Variants in IQCM observed in about 807,000 individuals in gnomAD.
IQCM encodes IQ domain-containing protein M.
Under a neutral mutation model 57.6 loss-of-function variants are expected in IQCM, and 45 were observed. The observed-to-expected ratio is 0.78, with a 90% CI of 0.62 to 1.00. IQCM has a LOEUF of 1.00. Among genes scored for constraint, IQCM ranks in the 50% least tolerant of loss-of-function variants. IQCM has a pLI of 0.00. For missense variants in IQCM, 468 were observed against 511.6 expected, an observed-to-expected ratio of 0.91 and a Z score of 0.82; for synonymous variants, 148 against 158.9, an observed-to-expected ratio of 0.93 and a Z score of 0.51.
intron 12 of IQCM, among the ~76,000 whole-genome samples, chr4:149,502,849 C>G (rs892133980): frequency 6.6e-6 from 1 of 151,760 alleles, no homozygotes. Context: ...AGAGGAAGGC[C>G]AAATAAACTA....
intron 13 of IQCM, among the ~76,000 whole-genome samples, chr4:149,375,288 C>T (rs1415205804): frequency 6.6e-6 from 1 of 152,090 alleles, no homozygotes; most frequent in Non-Finnish European, 1.5e-5. Flanking sequence ...GCTATTTGTG[C>T]TACTACATAG....
intron 12 of IQCM, among the ~76,000 whole-genome samples, chr4:149,441,378 G>A (rs966487897): frequency 3.3e-5 from 5 of 152,048 alleles, no homozygotes; most frequent in Admixed American, 6.6e-5. Flanking sequence ...ACAGGAATAA[G>A]CAATTCCTAT....
At chr4:149,429,951 T>C in intron 13 of IQCM, 1 of 1,187,266 alleles carries the variant, frequency 8.4e-7, no homozygotes. Flanking sequence ...AATTTGTTTA[T>C]TTTAACAAAG....
At chr4:149,380,462 G>T (rs772506265) in intron 13 of IQCM, among the ~76,000 whole-genome samples, 3 of 152,126 alleles carry the variant, frequency 2.0e-5, no homozygotes, top group Middle Eastern at 6.8e-3. Context: ...GGAAAATTTT[G>T]CTCATAATTA....
intron 2 of IQCM, among the ~76,000 whole-genome samples, chr4:149,782,325 TAAAA>T (rs1242976929): frequency 6.6e-6 from 1 of 151,974 alleles, no homozygotes; most frequent in South Asian, 2.1e-4. Context: ...ATAAGGCAAA[TAAAA>T]AAGATTTTTC....
intron 5 of IQCM, among the ~76,000 whole-genome samples, chr4:149,696,194 A>G (rs1162447683): frequency 6.6e-6 from 1 of 152,122 alleles, no homozygotes; most frequent in Non-Finnish European, 1.5e-5. Flanking sequence ...TGCTCTCATC[A>G]AAGATACAAT....
intron 11 of IQCM, among the ~76,000 whole-genome samples, chr4:149,551,577 T>C (rs911410314): frequency 1.3e-5 from 2 of 152,144 alleles, no homozygotes; most frequent in Non-Finnish European, 2.9e-5. Flanking sequence ...ATATGTGATT[T>C]GGAAGTCAGC....
At chr4:149,508,065 C>A (rs1017032146) in intron 12 of IQCM, among the ~76,000 whole-genome samples, 2 of 151,834 alleles carry the variant, frequency 1.3e-5, no homozygotes, top group African/African-American at 4.8e-5. Flanking sequence ...TACGAGTCCA[C>A]AGAAATGAAG....
At chr4:149,600,875 A>T (rs569563658) in intron 8 of IQCM, among the ~76,000 whole-genome samples, 2 of 152,154 alleles carry the variant, frequency 1.3e-5, no homozygotes, top group Non-Finnish European at 2.9e-5. Context: ...TACCTAGAAA[A>T]TTTTTTCAGG....
chr4:149,372,038 G>A (rs1730404170), intron 13 of IQCM, among the ~76,000 whole-genome samples: 1 of 152,096 alleles, frequency 6.6e-6, no homozygotes, highest in African/African-American at 2.4e-5. Flanking sequence ...TTTCTGATAA[G>A]TACTTTAATT....
intron 8 of IQCM, among the ~76,000 whole-genome samples, chr4:149,616,959 T>A (rs1250495943): frequency 7.6e-6 from 1 of 131,128 alleles, no homozygotes; most frequent in African/African-American, 3.1e-5. Context: ...ATCCTGGAAC[T>A]TTTTTTTTTT....
chr4:149,807,149 GA>G (rs201276769), intron 2 of IQCM, among the ~76,000 whole-genome samples: 3 of 151,394 alleles, frequency 2.0e-5, no homozygotes, highest in African/African-American at 7.3e-5. Flanking sequence ...TACAGAAATA[GA>G]AAAAAAATCC....
At chr4:149,636,586 CTCT>C (rs1189139948) in intron 7 of IQCM, among the ~76,000 whole-genome samples, 1 of 151,986 alleles carries the variant, frequency 6.6e-6, no homozygotes, top group Non-Finnish European at 1.5e-5. Context: ...CATGCCCCAC[CTCT>C]ACACTGATAG....
chr4:149,366,379 G>A (rs1452682004), intron 13 of IQCM, among the ~76,000 whole-genome samples: 1 of 151,762 alleles, frequency 6.6e-6, no homozygotes, highest in Non-Finnish European at 1.5e-5. Flanking sequence ...CTCTTTCCCA[G>A]CTAAATTGGT....
rs559237617 is a variant in IQCM at position 149,473,068 on chromosome 4, G to A, written c.1229-39511C>T. On this transcript the variant is annotated intron_variant, in intron 12 of 13. Coordinates refer to ENST00000636793, the MANE Select transcript of IQCM (RefSeq NM_001363507.2). ...CATTCAGCACATAGGCATGGGCAAGGACTTCATGACTAAAACACCAACAGC... is the reference window on the plus strand; with the variant it reads ...CATTCAGCACATAGGCATGGGCAAGAACTTCATGACTAAAACACCAACAGC... Among the ~76,000 whole-genome samples, 185 of 152,254 alleles carry A rather than the reference G, an allele frequency of 1.2e-3. 1 individual carries two copies. The highest frequency in any genetic ancestry group is 1.1e-3 in the Non-Finnish European group (76 of 68,020).
intron 9 of IQCM, among the ~76,000 whole-genome samples, chr4:149,586,403 A>G (rs1335607352): frequency 6.6e-6 from 1 of 151,634 alleles, no homozygotes; most frequent in African/African-American, 2.4e-5. Flanking sequence ...AGTTATTTAC[A>G]TATTATTTTA....
At chr4:149,598,045 A>G (rs2726765) in intron 8 of IQCM, among the ~76,000 whole-genome samples, 32,522 of 152,126 alleles carry the variant, frequency 0.21, 4,353 homozygotes, top group Non-Finnish European at 0.29. Context: ...TGATAACTTC[A>G]AAATGCTAAG....
At chr4:149,639,695 T>C (rs1024674629) in intron 7 of IQCM, among the ~76,000 whole-genome samples, 13 of 151,904 alleles carry the variant, frequency 8.6e-5, no homozygotes, top group South Asian at 2.1e-4. Context: ...CTGAGGTGGG[T>C]AGAACACTTG....
At chr4:149,674,122 T>C (rs568497594) in intron 7 of IQCM, among the ~76,000 whole-genome samples, 20 of 152,234 alleles carry the variant, frequency 1.3e-4, no homozygotes, top group African/African-American at 4.8e-4. Context: ...CAGAAAAAGA[T>C]ACAATGAAAC....
Sources: gnomAD v4.1 joint callset for allele counts (sites outside exome capture counted in the v4.1 genomes callset) on GRCh38, gnomAD v4.1.1 for gene constraint, MANE v1.5 for transcripts, NCBI Gene and HGNC (gene_info 2026-07-23, HGNC 2026-07-21) for gene names.